The following CYSLTR2 variants were observed in gnomAD, a reference collection of about 807,000 sequenced individuals.
CYSLTR2 encodes G-protein coupled receptor GPCR21.
For synonymous variants in CYSLTR2, 179 were observed against 160.8 expected (o/e 1.11, Z -0.86); for missense variants, 398 against 411.9 (o/e 0.97, Z 0.29).
chr13:48,699,112 A>G (rs1954273578), intron 4 of CYSLTR2, among the ~76,000 whole-genome samples: 1 of 152,212 alleles, frequency 6.6e-6, no homozygotes, highest in Admixed American at 6.5e-5. Flanking sequence ...AGACAGATCA[A>G]CAAGACAGAA....
intron 1 of CYSLTR2, among the ~76,000 whole-genome samples, chr13:48,660,445 C>G (rs1301990349): frequency 1.3e-5 from 2 of 152,132 alleles, no homozygotes; most frequent in East Asian, 3.9e-4. Context: ...GTGACTCATA[C>G]TTTGGGGGCT....
intron 1 of CYSLTR2, among the ~76,000 whole-genome samples, chr13:48,680,800 C>CTTTTTTTTT (rs139896583): frequency 8.7e-4 from 48 of 55,020 alleles, no homozygotes; most frequent in Non-Finnish European, 1.2e-3. Context: ...CTTTTCTTTT[C>CTTTTTTTTT]TTTTTTTTTT....
At chr13:48,696,300 C>T (rs1954185425) in intron 3 of CYSLTR2, among the ~76,000 whole-genome samples, 1 of 151,866 alleles carries the variant, frequency 6.6e-6, no homozygotes, top group African/African-American at 2.4e-5. Context: ...TCTAAATAAC[C>T]CTGTTTTGAT....
intron 4 of CYSLTR2, 77 bp from the exon 5 acceptor site, chr13:48,706,740 G>A (rs1954498220): frequency 1.7e-6 from 2 of 1,159,394 alleles, no homozygotes; most frequent in Non-Finnish European, 2.5e-6. Flanking sequence ...AAAACCTAGA[G>A]AGATGTAATC....
chr13:48,673,477 A>C (rs1445038166), intron 1 of CYSLTR2, among the ~76,000 whole-genome samples: 8 of 99,872 alleles, frequency 8.0e-5, no homozygotes, highest in African/African-American at 2.4e-4. Flanking sequence ...TTTGCTTGGT[A>C]AATATTCCTT....
intron 1 of CYSLTR2, among the ~76,000 whole-genome samples, chr13:48,686,968 G>T (rs925279444): frequency 6.6e-6 from 1 of 152,318 alleles, no homozygotes; most frequent in African/African-American, 2.4e-5. Flanking sequence ...TCAGTGGACT[G>T]TGTGGGGAAC....
Position 48,710,091 on chromosome 13 carries a change from T to A in CYSLTR2, c.*2233T>A, listed in dbSNP as rs1230598665. ...GAGAGGAAATATAACCACAGTACAC[T>A]ACATGGCTCAGCTGTGAATAATATT... On this transcript the variant is annotated 3_prime_UTR_variant, in exon 5 of 5. Coordinates refer to ENST00000682523, the MANE Select transcript of CYSLTR2 (RefSeq NM_001308476.3). The A allele has an allele frequency of 6.6e-6, 1 of 152,224 alleles. No homozygotes were observed. The highest frequency in any genetic ancestry group is 1.5e-5 in the Non-Finnish European group (1 of 68,050). 9.4% of individuals were successfully genotyped at this position (152,224 alleles called of 1,614,324 possible).
chr13:48,707,070 C>A lies in CYSLTR2; in HGVS notation c.253C>A (p.Leu85Ile). The part of the protein sequence containing the change: ...VFMLNLAISD[L>I]LFISTLPFRA... ...CATGCTAAATCTGGCCATTTCAGAT[C>A]TCCTGTTCATAAGCACGCTTCCCTT... The change falls in exon 5 of 5, where the codon CTC becomes ATC. Residue 85 changes from leucine (L) to isoleucine (I), a missense_variant. By Grantham distance (5) the Leu-to-Ile change is conservative. Transcript: ENST00000682523. The A allele has an allele frequency of 6.2e-7, 1 of 1,614,162 alleles. No individual in the cohort carries two copies.
intron 2 of CYSLTR2, among the ~76,000 whole-genome samples, chr13:48,692,058 CAT>C (rs1278331846): frequency 6.6e-6 from 1 of 151,848 alleles, no homozygotes; most frequent in Non-Finnish European, 1.5e-5. Context: ...ACACAAAAGA[CAT>C]ATTAATAGCT....
chr13:48,670,707 A>T (rs140681102), intron 1 of CYSLTR2, among the ~76,000 whole-genome samples: 111 of 152,272 alleles, frequency 7.3e-4, no homozygotes, highest in African/African-American at 2.5e-3. Flanking sequence ...GAAGTCAGAT[A>T]GTGTTATGCC....
At chr13:48,654,632 G>T (rs1022025935) in intron 1 of CYSLTR2, among the ~76,000 whole-genome samples, 2 of 152,112 alleles carry the variant, frequency 1.3e-5, no homozygotes, top group African/African-American at 4.8e-5. Context: ...TTTGCTCAGA[G>T]GCACAATGAG....
At chr13:48,687,956 G>A (rs923714722) in intron 1 of CYSLTR2, among the ~76,000 whole-genome samples, 1 of 152,230 alleles carries the variant, frequency 6.6e-6, no homozygotes, top group East Asian at 1.9e-4. Flanking sequence ...TTGTGGGGGT[G>A]TGTCACTAGA....
Position 48,706,451 on chromosome 13 carries a change from T to C in CYSLTR2, c.-1-366T>C, listed in dbSNP as rs574088890. The C allele has an allele frequency of 3.3e-5, 6 of 179,422 alleles. No individual in the cohort carries two copies. The South Asian group carries it at 8.0e-4, about 24-fold the overall frequency. The allele number at this position is 179,422 out of a possible 1,614,324, so 11.1% of individuals were successfully genotyped here. On this transcript the variant is annotated intron_variant, in intron 4 of 4. Transcript: ENST00000682523. ...CTTTCAGCATTTGAGAAATGTGCCATTTCTTTCTGTCCTCCATAGTTTCTG... is the reference window on the plus strand; with the variant it reads ...CTTTCAGCATTTGAGAAATGTGCCACTTCTTTCTGTCCTCCATAGTTTCTG...
At chr13:48,704,004 T>G (rs899019030) in intron 4 of CYSLTR2, among the ~76,000 whole-genome samples, 2 of 152,218 alleles carry the variant, frequency 1.3e-5, no homozygotes, top group South Asian at 4.1e-4. Context: ...GTGAAACTTA[T>G]GTTTGTAGGG....
chr13:48,672,700 C>T (rs140719328), intron 1 of CYSLTR2, among the ~76,000 whole-genome samples: 137 of 150,978 alleles, frequency 9.1e-4, no homozygotes, highest in African/African-American at 3.3e-3. Context: ...TCACTGCAAC[C>T]TCCGCCTCCT....
At chr13:48,697,763 A>T (rs189856934) in intron 4 of CYSLTR2, among the ~76,000 whole-genome samples, 1 of 152,262 alleles carries the variant, frequency 6.6e-6, no homozygotes, top group Non-Finnish European at 1.5e-5. Flanking sequence ...GAAGCTAAAA[A>T]CCTTGAAAAA....
intron 1 of CYSLTR2, among the ~76,000 whole-genome samples, chr13:48,661,002 T>G (rs906275243): frequency 6.6e-6 from 1 of 152,246 alleles, no homozygotes; most frequent in African/African-American, 2.4e-5. Flanking sequence ...GTCCAGGCCC[T>G]GACCTAAGTG....
chr13:48,705,077 GT>G (rs1414100335), intron 4 of CYSLTR2, among the ~76,000 whole-genome samples: 1 of 152,078 alleles, frequency 6.6e-6, no homozygotes, highest in African/African-American at 2.4e-5. Flanking sequence ...AGTTTTATCA[GT>G]TTTGCTTCAG....
rs1283337163 is a variant in CYSLTR2 at position 48,711,069 on chromosome 13, G to A, written c.*3211G>A. ...CAATAGGAGGTAAATACAGGTAGAA[G>A]CAGAAGAAAGAATGGGCAGGGGTTA... On this transcript the variant is annotated 3_prime_UTR_variant, in exon 5 of 5. Coordinates refer to ENST00000682523, the MANE Select transcript of CYSLTR2 (RefSeq NM_001308476.3). 6.6e-6 allele frequency: 1 copy of A among 152,178 alleles called. No homozygotes were observed. Among genetic ancestry groups the A allele is most frequent in the African/African-American group, 2.4e-5 (1 of 41,448 alleles). 9.4% of individuals were successfully genotyped at this position (152,178 alleles called of 1,614,324 possible). A position where few individuals can be genotyped will look rare whatever the true frequency, so the allele number is the denominator to read the frequency against.
Sources: gnomAD v4.1 joint callset for allele counts (sites outside exome capture counted in the v4.1 genomes callset) on GRCh38, gnomAD v4.1.1 for gene constraint, MANE v1.5 for transcripts, NCBI Gene and HGNC (gene_info 2026-07-23, HGNC 2026-07-21) for gene names.